The following CTPS2 variants were observed in gnomAD, a reference collection of about 807,000 sequenced individuals.
The protein encoded by CTPS2 is CTP synthase 2, also known as CTP synthase II.
CTPS2 carries 19 observed loss-of-function variants against 46.8 expected under a neutral mutation model. The observed-to-expected ratio is 0.41, with a 90% CI of 0.28 to 0.60. The LOEUF is 0.60. CTPS2 is among the 20% of genes least tolerant of loss of function. CTPS2 has a pLI of 0.35. For synonymous variants in CTPS2, 151 were observed against 165.2 expected, an observed-to-expected ratio of 0.91 and a Z score of 0.66; for missense variants, 286 against 447.6, an observed-to-expected ratio of 0.64 and a Z score of 3.26.
chrX:16,659,938 C>T (rs1932906008), intron 13 of CTPS2, among the ~76,000 whole-genome samples: 1 of 111,768 alleles, frequency 8.9e-6, no homozygotes, highest in Non-Finnish European at 1.9e-5. Context: ...CCACATTTTC[C>T]ATTTTCTTTA....
intron 2 of CTPS2, 139 bp downstream of exon 2, chrX:16,702,598 C>A: frequency 5.8e-6 from 3 of 520,375 alleles, no homozygotes; most frequent in Non-Finnish European, 9.7e-6. Context: ...TATCAATGAC[C>A]ATGAGAAAAT....
At chrX:16,613,807 T>G (rs1285360207) in intron 16 of CTPS2, among the ~76,000 whole-genome samples, 1 of 111,355 alleles carries the variant, frequency 9.0e-6, no homozygotes, top group Non-Finnish European at 1.9e-5. Flanking sequence ...CCCACGCTGG[T>G]CTCGAACTTC....
intron 17 of CTPS2, among the ~76,000 whole-genome samples, chrX:16,595,715 T>C (rs1294958421): frequency 3.6e-5 from 4 of 112,463 alleles, no homozygotes; most frequent in Non-Finnish European, 5.6e-5. Flanking sequence ...TCAGTAGCCA[T>C]GTGCGCCTAG....
chrX:16,673,945 G>A (rs7889487), intron 10 of CTPS2, among the ~76,000 whole-genome samples: 11,094 of 111,203 alleles, frequency 0.1, 738 homozygotes, highest in African/African-American at 0.24. Context: ...TACCTAGTAC[G>A]TAATTAAAAT....
At chrX:16,692,052 C>T (rs1923739384) in intron 6 of CTPS2, among the ~76,000 whole-genome samples, 1 of 111,662 alleles carries the variant, frequency 9.0e-6, no homozygotes, top group Admixed American at 9.6e-5. Flanking sequence ...ACTTTACTTA[C>T]AAAAACAGGC....
chrX:16,639,847 AG>A (rs1256430626), intron 13 of CTPS2, among the ~76,000 whole-genome samples: 3 of 111,345 alleles, frequency 2.7e-5, no homozygotes, highest in Non-Finnish European at 5.7e-5. Flanking sequence ...GAAAAGGAAA[AG>A]AAAAGAAAAG....
intron 1 of CTPS2, among the ~76,000 whole-genome samples, chrX:16,709,198 C>T (rs765188208): frequency 7.3e-4 from 81 of 110,889 alleles, no homozygotes; most frequent in Non-Finnish European, 9.5e-4. Flanking sequence ...GAGGCCAAGA[C>T]GGGCGGATTG....
At chrX:16,691,205 G>A (rs1173901656) in intron 7 of CTPS2, among the ~76,000 whole-genome samples, 3 of 112,057 alleles carry the variant, frequency 2.7e-5, no homozygotes, top group Admixed American at 9.5e-5. Flanking sequence ...TATAATCTCA[G>A]CTGCTCAGGA....
chrX:16,688,858 C>T (rs1048168511), intron 8 of CTPS2, among the ~76,000 whole-genome samples: 14 of 110,835 alleles, frequency 1.3e-4, no homozygotes, highest in Non-Finnish European at 2.6e-4. Flanking sequence ...CTTTGGGAGG[C>T]CAAGGTGGGC....
intron 9 of CTPS2, among the ~76,000 whole-genome samples, chrX:16,679,363 A>T (rs1001423012): frequency 9.1e-6 from 1 of 110,283 alleles, no homozygotes; most frequent in Non-Finnish European, 1.9e-5. Context: ...GTCTCAAAAA[A>T]TAAAAAAATA....
At chrX:16,685,923 C>G (rs1200925174) in intron 8 of CTPS2, among the ~76,000 whole-genome samples, 1 of 107,047 alleles carries the variant, frequency 9.3e-6, no homozygotes, top group Non-Finnish European at 1.9e-5. Flanking sequence ...GAGAATTGTG[C>G]CCACCTTGAC....
chrX:16,647,756 A>T (rs1182016405), intron 13 of CTPS2, among the ~76,000 whole-genome samples: 1 of 111,427 alleles, frequency 9.0e-6, no homozygotes, highest in East Asian at 2.8e-4. Context: ...CGTTACTAAG[A>T]TGACATATAG....
At chrX:16,663,253 C>A (rs1224406571) in intron 13 of CTPS2, among the ~76,000 whole-genome samples, 1 of 111,358 alleles carries the variant, frequency 9.0e-6, no homozygotes. Flanking sequence ...CTCAAGTGAT[C>A]CTCCCCCTCA....
intron 10 of CTPS2, among the ~76,000 whole-genome samples, chrX:16,671,726 G>A (rs760081338): frequency 2.7e-5 from 3 of 109,427 alleles, no homozygotes; most frequent in Non-Finnish European, 5.7e-5. Flanking sequence ...TGTTACCCAG[G>A]CTGGCCTCGA....
intron 8 of CTPS2, among the ~76,000 whole-genome samples, chrX:16,685,737 G>T (rs1923135456): frequency 9.3e-6 from 1 of 106,975 alleles, no homozygotes. Context: ...CGTGGTGGTG[G>T]GCGCCTGTAG....
At chrX:16,706,113 A>AT (rs1924978578) in intron 1 of CTPS2, among the ~76,000 whole-genome samples, 1 of 108,967 alleles carries the variant, frequency 9.2e-6, no homozygotes, top group South Asian at 3.9e-4. Flanking sequence ...AAAAAAAAAA[A>AT]GAAAGAAAGA....
chrX:16,702,717 G>C lies in CTPS2; in HGVS notation c.166+20C>G. 8.4e-7 allele frequency: 1 copy of C among 1,196,465 alleles called. No homozygotes were observed. The highest frequency in any genetic ancestry group is 1.1e-6 in the Non-Finnish European group (1 of 882,367). On this transcript the variant is annotated intron_variant, in intron 2 of 18. Coordinates refer to ENST00000359276, the MANE Select transcript of CTPS2 (RefSeq NM_175859.3). ...CAGTTGAGCCTAGTGCTATAAGGGG[G>C]AAGTGGTTCACTTTCGTACCGTGTT... is the stretch of plus-strand genomic sequence containing the variant.
intron 17 of CTPS2, among the ~76,000 whole-genome samples, chrX:16,606,564 C>T (rs921213050): frequency 9.0e-6 from 1 of 111,698 alleles, no homozygotes; most frequent in African/African-American, 3.3e-5. Context: ...AAATAAGATG[C>T]TGGCTGTCCT....
At chrX:16,641,161 A>G (rs111635793) in intron 13 of CTPS2, among the ~76,000 whole-genome samples, 1,443 of 112,024 alleles carry the variant, frequency 0.013, 19 homozygotes, top group African/African-American at 0.044. Flanking sequence ...TATTCTCTAA[A>G]TCAGGTAAGA....
Sources: allele counts gnomAD v4.1 joint callset (sites outside exome capture counted in the v4.1 genomes callset), GRCh38; gene constraint gnomAD v4.1.1; transcripts MANE v1.5; gene names NCBI Gene and HGNC (gene_info 2026-07-23, HGNC 2026-07-21).